PACRG: variants seen among roughly 807,000 people sequenced by gnomAD.
PACRG encodes parkin coregulated, also known as parkin coregulated gene protein.
Under a neutral mutation model 29.7 loss-of-function variants are expected in PACRG, and 29 were observed. The ratio of observed to expected loss-of-function variants is 0.98; its 90% CI spans 0.73 to 1.33. The LOEUF (loss-of-function observed/expected upper bound fraction) is 1.33. Among genes scored for constraint, PACRG ranks in the 40% most tolerant of loss-of-function variants. The pLI is 0.00. For synonymous variants in PACRG, 116 were observed against 118.7 expected (o/e 0.98, Z 0.15); for missense variants, 279 against 316.2 (o/e 0.88, Z 0.89).
intron 4 of PACRG, among the ~76,000 whole-genome samples, chr6:163,213,561 C>A (rs986197575): frequency 2.6e-5 from 4 of 152,104 alleles, no homozygotes; most frequent in South Asian, 2.1e-4. Context: ...TATTTAGGTT[C>A]TTTTTGGTGA....
At chr6:163,266,522 C>T (rs1240157331) in intron 4 of PACRG, among the ~76,000 whole-genome samples, 1 of 152,082 alleles carries the variant, frequency 6.6e-6, no homozygotes, top group Non-Finnish European at 1.5e-5. Context: ...TGGGAGAAGC[C>T]AGATGGGGCC....
chr6:163,066,678 C>A (rs973441050), intron 3 of PACRG, among the ~76,000 whole-genome samples: 31 of 151,990 alleles, frequency 2.0e-4, no homozygotes, highest in Non-Finnish European at 4.0e-4. Context: ...GGGCTAAGAA[C>A]CAAAAGCACA....
At chr6:163,141,671 A>T (rs1025654592) in intron 4 of PACRG, among the ~76,000 whole-genome samples, 1 of 149,424 alleles carries the variant, frequency 6.7e-6, no homozygotes, top group African/African-American at 2.6e-5. Context: ...GATCAGATTA[A>T]AAAAAAGCAT....
At chr6:163,266,467 T>TC (rs1783530625) in intron 4 of PACRG, among the ~76,000 whole-genome samples, 1 of 152,168 alleles carries the variant, frequency 6.6e-6, no homozygotes, top group Non-Finnish European at 1.5e-5. Context: ...GTCTGTGTTG[T>TC]CAGGACAGGG....
intron 2 of PACRG, among the ~76,000 whole-genome samples, chr6:162,883,184 T>TA (rs2128021294): frequency 6.6e-6 from 1 of 152,302 alleles, no homozygotes; most frequent in South Asian, 2.1e-4. Flanking sequence ...ACCAATTTGT[T>TA]AGATTTTTTT....
chr6:163,039,391 G>T (rs2128235787), intron 2 of PACRG, among the ~76,000 whole-genome samples: 1 of 152,320 alleles, frequency 6.6e-6, no homozygotes. Context: ...GCAGAGTGGG[G>T]TACTGCTATA....
At position 163,028,934 on chromosome 6, in the gene PACRG, C is replaced by T. The variant is rs76095752; in HGVS notation, c.292-33216C>T. Reference sequence around the variant, plus strand: ...CTAATCCTGGAGCCTGTGAACATGCCGTCCTACACAGCAAAAGGGACATGG... The same window carrying T: ...CTAATCCTGGAGCCTGTGAACATGCTGTCCTACACAGCAAAAGGGACATGG... On this transcript the variant is annotated intron_variant, in intron 2 of 4. Transcript: ENST00000366888. 5.9e-3 allele frequency among the ~76,000 whole-genome samples: 894 copies of T among 152,298 alleles called. 4 individuals carry two copies. Among genetic ancestry groups the T allele is most frequent in the African/African-American group, 0.015 (608 of 41,558 alleles).
chr6:163,121,702 G>A (rs1562927865), intron 4 of PACRG, among the ~76,000 whole-genome samples: 1 of 129,920 alleles, frequency 7.7e-6, no homozygotes, highest in East Asian at 2.2e-4. Flanking sequence ...GTCTCCGTCT[G>A]TCACCCAAGC....
At chr6:163,202,464 T>A (rs1780744332) in intron 4 of PACRG, among the ~76,000 whole-genome samples, 1 of 152,162 alleles carries the variant, frequency 6.6e-6, no homozygotes, top group Admixed American at 6.5e-5. Flanking sequence ...TATGTATGTG[T>A]GCGTGTATAT....
chr6:163,183,148 C>T (rs1779752769), intron 4 of PACRG: 1 of 152,196 alleles, frequency 6.6e-6, no homozygotes, highest in South Asian at 2.1e-4. Flanking sequence ...GGCAAACATT[C>T]CCACGACGTG....
chr6:163,210,312 C>A (rs1339525404), intron 4 of PACRG, among the ~76,000 whole-genome samples: 2 of 152,146 alleles, frequency 1.3e-5, no homozygotes, highest in South Asian at 2.1e-4. Flanking sequence ...AATGTGTAAT[C>A]CATTCTATAA....
At chr6:163,038,848 G>A (rs114807443) in intron 2 of PACRG, among the ~76,000 whole-genome samples, 1,549 of 152,250 alleles carry the variant, frequency 0.01, 19 homozygotes, top group African/African-American at 0.036. Context: ...TATGGGAATA[G>A]GAAACACATA....
intron 4 of PACRG, among the ~76,000 whole-genome samples, chr6:163,126,491 A>T (rs1220458322): frequency 6.6e-6 from 1 of 152,214 alleles, no homozygotes; most frequent in Non-Finnish European, 1.5e-5. Flanking sequence ...GGGCATTTAC[A>T]AAAGGAACAG....
rs142887712 is a variant in PACRG at position 162,923,437 on chromosome 6, A to G, written c.291+109156A>G. Among the ~76,000 whole-genome samples the G allele has an allele frequency of 9.4e-4, 143 of 152,212 alleles. 1 individual carries two copies. In the Middle Eastern group the frequency reaches 0.01, roughly 11 times the overall value. On this transcript the variant is annotated intron_variant, in intron 2 of 4. Coordinates refer to ENST00000366888, the MANE Select transcript of PACRG (RefSeq NM_001080379.2). ...TAGGCATAAAATCTTTGCTATGCCA[A>G]TTTCTTAGAGCATTTTCCCTATGTT...
rs571695998 is a variant in PACRG at position 162,807,682 on chromosome 6, TATA to T, written c.157-6459_157-6457del. On this transcript the variant is annotated intron_variant, in intron 1 of 4. Transcript: ENST00000366888. The stretch of plus-strand genomic sequence containing the variant: ...ACTGATCACAGGTCACCATAACAGA[TATA>T]ATAATGATGAAAAATTGAAATAGTA... 2.7e-3 allele frequency among the ~76,000 whole-genome samples: 411 copies of T among 152,220 alleles called. 1 individual carries two copies. Among genetic ancestry groups the T allele is most frequent in the African/African-American group, 9.4e-3 (391 of 41,532 alleles).
chr6:163,140,150 C>T (rs1817095471), intron 4 of PACRG, among the ~76,000 whole-genome samples: 1 of 152,224 alleles, frequency 6.6e-6, no homozygotes. Context: ...TAGACATTTA[C>T]ATGCTATGTA....
intron 4 of PACRG, among the ~76,000 whole-genome samples, chr6:163,098,677 G>T (rs1814820438): frequency 1.3e-5 from 2 of 152,208 alleles, no homozygotes; most frequent in South Asian, 4.1e-4. Flanking sequence ...TTCAGGGCAA[G>T]TCCATAAAGT....
chr6:163,221,091 GA>G (rs1165250840), intron 4 of PACRG, among the ~76,000 whole-genome samples: 1 of 152,146 alleles, frequency 6.6e-6, no homozygotes, highest in Non-Finnish European at 1.5e-5. Context: ...CAAGCATTTT[GA>G]AGACAAAATA....
At chr6:163,155,852 G>T (rs538984568) in intron 4 of PACRG, among the ~76,000 whole-genome samples, 2 of 152,284 alleles carry the variant, frequency 1.3e-5, no homozygotes, top group Admixed American at 6.5e-5. Context: ...TTACTTGCTA[G>T]CCTTCTCAGC....
Sources: allele counts gnomAD v4.1 joint callset (sites outside exome capture counted in the v4.1 genomes callset), GRCh38; gene constraint gnomAD v4.1.1; transcripts MANE v1.5; gene names NCBI Gene and HGNC (gene_info 2026-07-23, HGNC 2026-07-21).